Variants in ABCD4 observed in about 807,000 individuals in gnomAD.
ABCD4 encodes ATP binding cassette subfamily D member 4, also known as lysosomal cobalamin transporter ABCD4.
ABCD4 carries 53 observed loss-of-function variants against 86.3 expected under a neutral mutation model. The observed-to-expected ratio is 0.61, with a 90% CI of 0.49 to 0.77. The LOEUF (loss-of-function observed/expected upper bound fraction) is 0.77, where lower values mean the gene tolerates loss of function less well. Ranked by LOEUF, ABCD4 falls within the 30% of genes least tolerant of loss-of-function variation. ABCD4 has a pLI of 0.00. For synonymous variants in ABCD4, 328 were observed against 313.6 expected, an observed-to-expected ratio of 1.05 and a Z score of -0.49; for missense variants, 757 against 764.5, an observed-to-expected ratio of 0.99 and a Z score of 0.12.
At chr14:74,290,222 A>ATG in intron 12 of ABCD4, 69 bp downstream of exon 12, 1 of 1,610,832 alleles carries the variant, frequency 6.2e-7, no homozygotes, top group South Asian at 1.1e-5. Flanking sequence ...ATTCTACCAC[A>ATG]CCGTCCCCGC....
intron 10 of ABCD4, 51 bp downstream of exon 10, chr14:74,292,500 C>T: frequency 6.2e-7 from 1 of 1,602,802 alleles, no homozygotes; most frequent in Middle Eastern, 1.7e-4. Flanking sequence ...GCCACTTCTG[C>T]CAGCAGCACA....
Position 74,287,854 on chromosome 14 carries a change from C to T in ABCD4, c.1592G>A (p.Arg531Gln), listed in dbSNP as rs371160919. ...YDVLSPGEMQ[R>Q]LSFARLFYLQ... ...GTAGAAGAGTCGGGCAAAGGAGAGCCGTTGCATCTCCCCCGGGGACAGAAC... is the reference window on the plus strand; with the variant it reads ...GTAGAAGAGTCGGGCAAAGGAGAGCTGTTGCATCTCCCCCGGGGACAGAAC... The change falls in exon 17 of 19, where the codon CGG becomes CAG. Residue 531 changes from arginine (R) to glutamine (Q), a missense_variant. Coordinates refer to ENST00000356924, the MANE Select transcript of ABCD4 (RefSeq NM_005050.4). 4.3e-6 allele frequency: 7 copies of T among 1,613,220 alleles called. No individual in the cohort carries two copies. Among genetic ancestry groups the T allele is most frequent in the Middle Eastern group, 1.6e-4 (1 of 6,084 alleles).
rs141766346 is a variant in ABCD4 at position 74,286,749 on chromosome 14, C to T, written c.1704G>A (p.Gln568=). 11 of 1,614,050 alleles carry T rather than the reference C, an allele frequency of 6.8e-6. No homozygotes were observed. In the African/African-American group the frequency reaches 1.3e-4, roughly 20 times the overall value. Reference sequence around the variant, plus strand: ...CCACACTGATGAACGTCATCCCCAGCTGCTGGCCGATGCGATAGAGCTCGC... The same window carrying T: ...CCACACTGATGAACGTCATCCCCAGTTGCTGGCCGATGCGATAGAGCTCGC... ...VESELYRIGQ[Q]LGMTFISVGH... is the part of the protein sequence containing the mutation. The change falls in exon 18 of 19, where the codon CAG becomes CAA. Residue 568 remains glutamine (Q), a synonymous_variant. Transcript: ENST00000356924.
At position 74,302,925 on chromosome 14, in the gene ABCD4, G is replaced by C. The variant is rs774071453; in HGVS notation, c.-13C>G. ...CCGCGACCGCCATGACCTGAGACCC[G>C]AGGGACTCTGGAGCCCAGCTGCCCC... On this transcript the variant is annotated 5_prime_UTR_variant, in exon 1 of 19. Coordinates refer to ENST00000356924, the MANE Select transcript of ABCD4 (RefSeq NM_005050.4). 1.1e-5 allele frequency: 17 copies of C among 1,606,700 alleles called. No homozygotes were observed. The highest frequency in any genetic ancestry group is 1.4e-5 in the Non-Finnish European group (16 of 1,177,066).
At chr14:74,288,890 G>A (rs956381271) in intron 14 of ABCD4, 125 bp from the exon 15 acceptor site, 3 of 1,243,030 alleles carry the variant, frequency 2.4e-6, no homozygotes, top group African/African-American at 3.0e-5. Context: ...GAGGCAGGTG[G>A]ATCACAAGGT....
chr14:74,296,102 C>T, intron 5 of ABCD4, 123 bp from the exon 6 acceptor site: 1 of 1,337,924 alleles, frequency 7.5e-7, no homozygotes, highest in East Asian at 2.4e-5. Flanking sequence ...GCCCAATGGG[C>T]CCTCTGCTCC....
Position 74,290,050 on chromosome 14 carries a change from T to C in ABCD4, c.1396A>G (p.Thr466Ala). 1 of 1,614,006 alleles carries C rather than the reference T, an allele frequency of 6.2e-7. No individual in the cohort carries two copies. The highest frequency in any genetic ancestry group is 1.3e-5 in the African/African-American group (1 of 74,960). Residue 466 changes from threonine (T) to alanine (A), a missense_variant, in exon 13 of 19, where the codon ACT becomes GCT. Thr to Ala is a moderately conservative substitution (Grantham distance 58). Transcript: ENST00000356924. ...VLFLPQKPFF[T>A]DGTLREQVIY... The stretch of plus-strand genomic sequence containing the variant: ...ACCTGCTCCCGAAGGGTCCCGTCAG[T>C]GAAGAATGGCTTTTGTGGCAGGAAT...
Position 74,302,932 on chromosome 14 carries a change from T to TC in ABCD4, c.-21dup. On this transcript the variant is annotated 5_prime_UTR_variant, in exon 1 of 19. Coordinates refer to ENST00000356924, the MANE Select transcript of ABCD4 (RefSeq NM_005050.4). ...CGCCATGACCTGAGACCCGAGGGAC[T>TC]CTGGAGCCCAGCTGCCCCTAGTTCA... is the stretch of plus-strand genomic sequence containing the variant. 1 of 1,606,462 alleles carries TC rather than the reference T, an allele frequency of 6.2e-7. No homozygotes were observed. The highest frequency in any genetic ancestry group is 8.5e-7 in the Non-Finnish European group (1 of 1,176,844).
chr14:74,298,067 C>T lies in ABCD4; in HGVS notation c.288G>A (p.Leu96=). Residue 96 remains leucine (L), a splice_region_variant and synonymous_variant, in exon 4 of 19, where the codon CTG becomes CTA. Transcript: ENST00000356924. ...TGCAGGTGAACTGATCAAAGCTCTT[C>T]AGCTGTGCAGTGGGGGAAGCAAGGG... ...AVMLIVLNST[L]KSFDQFTCNL... is the part of the protein sequence containing the mutation. The T allele has an allele frequency of 6.2e-7, 1 of 1,613,500 alleles. No homozygotes were observed.
At position 74,293,230 on chromosome 14, in the gene ABCD4, G is replaced by A; in HGVS notation, c.738C>T (p.His246=). 6.2e-7 allele frequency: 1 copy of A among 1,614,144 alleles called. No homozygotes were observed. The highest frequency in any genetic ancestry group is 8.5e-7 in the Non-Finnish European group (1 of 1,180,020). ...AAFYRAGHVE[H]MRTDRRLQRL... ...TCTGCAGCCTGCGGTCTGTCCTCAT[G>A]TGCTCCACATGCCCAGCTCTGACAA... is the stretch of plus-strand genomic sequence containing the variant. The change falls in exon 8 of 19, where the codon CAC becomes CAT. Residue 246 remains histidine (H), a synonymous_variant. Coordinates refer to ENST00000356924, the MANE Select transcript of ABCD4 (RefSeq NM_005050.4).
At chr14:74,296,079 T>C in intron 5 of ABCD4, 100 bp from the exon 6 acceptor site, 1 of 1,481,940 alleles carries the variant, frequency 6.7e-7, no homozygotes, top group Non-Finnish European at 9.0e-7. Context: ...GTAGCCCCTG[T>C]CCAATCTGAG....
intron 2 of ABCD4, 116 bp from the exon 3 acceptor site, chr14:74,299,791 G>A (rs2083849535): frequency 1.9e-6 from 2 of 1,057,898 alleles, no homozygotes; most frequent in Non-Finnish European, 2.8e-6. Context: ...GCCGGGCGCG[G>A]TGGCTCACGC....
chr14:74,297,784 G>T, intron 4 of ABCD4, 146 bp downstream of exon 4: 1 of 1,409,794 alleles, frequency 7.1e-7, no homozygotes, highest in Non-Finnish European at 9.2e-7. Flanking sequence ...GTCCTCTGCA[G>T]GGCACCCTCC....
chr14:74,301,491 T>C (rs555069051), intron 1 of ABCD4, among the ~76,000 whole-genome samples: 4 of 152,204 alleles, frequency 2.6e-5, no homozygotes, highest in African/African-American at 9.6e-5. Flanking sequence ...CAAGAATTCC[T>C]GCAAGCCAGG....
chr14:74,293,542 T>A (rs1327217674), intron 7 of ABCD4: 2 of 300,160 alleles, frequency 6.7e-6, no homozygotes, highest in Non-Finnish European at 1.2e-5. Context: ...TCAGTTTTTT[T>A]AATCTATAAA....
chr14:74,293,532 TCA>T (rs1261950873), intron 7 of ABCD4: 4 of 319,540 alleles, frequency 1.3e-5, no homozygotes, highest in African/African-American at 6.4e-5. Flanking sequence ...CCTCCAAGCC[TCA>T]GTTTTTTTAA....
At chr14:74,295,008 G>T (rs1368899595) in intron 7 of ABCD4, 140 bp downstream of exon 7, 4 of 993,846 alleles carry the variant, frequency 4.0e-6, no homozygotes, top group Non-Finnish European at 6.2e-6. Flanking sequence ...GGCAGGGGGA[G>T]GTAGAGGGAG....
At chr14:74,289,263 C>T in intron 14 of ABCD4, 2 of 1,367,026 alleles carry the variant, frequency 1.5e-6, no homozygotes, top group South Asian at 2.0e-5. Context: ...GCATCACTTT[C>T]CTTGTCCCAG....
intron 15 of ABCD4, 108 bp downstream of exon 15, chr14:74,288,608 G>C: frequency 2.3e-6 from 3 of 1,323,052 alleles, no homozygotes; most frequent in Non-Finnish European, 3.2e-6. Context: ...TCCACCCCAG[G>C]TTCAGACTTC....
Sources: gnomAD v4.1 joint callset for allele counts (sites outside exome capture counted in the v4.1 genomes callset) on GRCh38, gnomAD v4.1.1 for gene constraint, MANE v1.5 for transcripts, NCBI Gene and HGNC (gene_info 2026-07-23, HGNC 2026-07-21) for gene names.